The following GNB1 variants were observed in gnomAD, a reference collection of about 807,000 sequenced individuals.
The protein encoded by GNB1 is guanine nucleotide-binding protein G(I)/G(S)/G(T) subunit beta-1.
Under a neutral mutation model 42.9 loss-of-function variants are expected in GNB1, and 2 were observed. The observed-to-expected ratio is 0.05, with a 90% confidence interval of 0.02 to 0.15. The LOEUF is 0.15. GNB1 is among the 10% of genes least tolerant of loss of function. The pLI is 1.00. For synonymous variants in GNB1, 183 were observed against 174.7 expected, an observed-to-expected ratio of 1.05 and a Z score of -0.38; for missense variants, 193 against 462.2, an observed-to-expected ratio of 0.42 and a Z score of 5.34.
intron 1 of GNB1, among the ~76,000 whole-genome samples, chr1:1,877,818 T>A (rs527726189): frequency 6.6e-6 from 1 of 152,164 alleles, no homozygotes; most frequent in African/African-American, 2.4e-5. Context: ...GTGGCTAGAA[T>A]AGATAGCAAG....
intron 2 of GNB1, among the ~76,000 whole-genome samples, chr1:1,833,615 A>C (rs546261949): frequency 1.3e-5 from 2 of 152,246 alleles, no homozygotes; most frequent in East Asian, 3.9e-4. Context: ...GACAGAAGAC[A>C]AACAGGTAAA....
In GNB1 at chr1:1,864,334, A is replaced by G. The variant is rs1221094193; in HGVS notation, c.-95-25096T>C. Among the ~76,000 whole-genome samples, 37 of 130,568 alleles carry G rather than the reference A, an allele frequency of 2.8e-4. No individual in the cohort carries two copies. The East Asian group carries it at 4.3e-3, about 15-fold the overall frequency. 85.7% of individuals were successfully genotyped at this position (130,568 alleles called of 152,430 possible). On this transcript the variant is annotated intron_variant, in intron 1 of 11. Transcript: ENST00000378609. Reference sequence around the variant, plus strand: ...TCTCTCAAAAAAAAAAAAAAAAAAAAAAGAAGAAAACCCCACGAAAAAACT... The same window carrying G: ...TCTCTCAAAAAAAAAAAAAAAAAAAGAAGAAGAAAACCCCACGAAAAAACT...
At chr1:1,789,449 T>G (rs935718293) in intron 9 of GNB1, among the ~76,000 whole-genome samples, 180 bp from the exon 10 acceptor site, 1 of 151,864 alleles carries the variant, frequency 6.6e-6, no homozygotes, top group African/African-American at 2.4e-5. Flanking sequence ...TCCCAGCACT[T>G]TGGGAGGCTG....
intron 2 of GNB1, among the ~76,000 whole-genome samples, chr1:1,830,148 A>C (rs1310992234): frequency 6.6e-6 from 1 of 152,192 alleles, no homozygotes; most frequent in East Asian, 1.9e-4. Flanking sequence ...TAGTTTGCTT[A>C]CTAACCCCCC....
At chr1:1,866,359 C>G (rs144761801) in intron 1 of GNB1, among the ~76,000 whole-genome samples, 1 of 152,232 alleles carries the variant, frequency 6.6e-6, no homozygotes, top group Non-Finnish European at 1.5e-5. Flanking sequence ...ACAAGTCAAT[C>G]AAATGATACC....
chr1:1,808,318 A>G (rs529722931), intron 5 of GNB1, among the ~76,000 whole-genome samples: 3 of 152,160 alleles, frequency 2.0e-5, no homozygotes, highest in South Asian at 4.2e-4. Flanking sequence ...GAATTTTTTC[A>G]TAACTATTTC....
At chr1:1,803,856 C>A (rs1646658526) in intron 7 of GNB1, among the ~76,000 whole-genome samples, 1 of 151,822 alleles carries the variant, frequency 6.6e-6, no homozygotes, top group Non-Finnish European at 1.5e-5. Context: ...GTGGCGGACA[C>A]CTGTGGTCCC....
At position 1,815,518 on chromosome 1, in the gene GNB1, T is replaced by TA. The variant is rs527909781; in HGVS notation, c.203+237_203+238insT. ...GAAGGGAGAAAGAAAAATCAGAACT[T>TA]GTATTAATGTGATTCAGACAGTGAA... On this transcript the variant is annotated intron_variant, in intron 5 of 11. Transcript: ENST00000378609. 1.7e-4 allele frequency among the ~76,000 whole-genome samples: 26 copies of TA among 152,288 alleles called. No homozygotes were observed. The South Asian group carries it at 5.4e-3, about 32-fold the overall frequency.
chr1:1,887,005 G>A (rs912090952), intron 1 of GNB1, among the ~76,000 whole-genome samples: 12 of 152,128 alleles, frequency 7.9e-5, no homozygotes, highest in African/African-American at 2.7e-4. Flanking sequence ...GAGCCACCAC[G>A]CCCGGTCAAA....
chr1:1,816,201 T>C (rs147463827), intron 4 of GNB1, among the ~76,000 whole-genome samples: 1 of 152,202 alleles, frequency 6.6e-6, no homozygotes, highest in Admixed American at 6.5e-5. Flanking sequence ...CTGAGTTCTT[T>C]GAGATCTCGC....
chr1:1,819,133 A>T (rs1190310320), intron 3 of GNB1, among the ~76,000 whole-genome samples: 2 of 152,230 alleles, frequency 1.3e-5, no homozygotes, highest in Non-Finnish European at 2.9e-5. Context: ...TACGTTTAGA[A>T]ATAGAAAGGT....
chr1:1,886,194 T>C (rs1027984840), intron 1 of GNB1, among the ~76,000 whole-genome samples: 7 of 152,044 alleles, frequency 4.6e-5, no homozygotes, highest in African/African-American at 1.7e-4. Context: ...GGCGGGTGCC[T>C]GTAATCCCAG....
intron 8 of GNB1, among the ~76,000 whole-genome samples, chr1:1,791,225 G>A (rs921936431): frequency 6.7e-6 from 1 of 149,196 alleles, no homozygotes; most frequent in African/African-American, 2.5e-5. Context: ...AGGCTGGAGT[G>A]CAATGGCGCG....
At chr1:1,858,277 GT>G (rs1648414888) in intron 1 of GNB1, among the ~76,000 whole-genome samples, 1 of 152,144 alleles carries the variant, frequency 6.6e-6, no homozygotes. Context: ...CAAGTCATTT[GT>G]TTTCAGTTCA....
rs777707833 is a variant in GNB1, at chr1:1,787,424, C to T, written c.930G>A (p.Gly310=). ...LKADRAGVLA[G]HDNRVSCLGV... ...CCAGGCAGCTGACGCGGTTGTCATG[C>T]CCAGCCAAGACACCTGGGAGCAAAC... Residue 310 remains glycine, a synonymous_variant, in exon 11 of 12, where the codon GGG becomes GGA. Transcript: ENST00000378609. The surrounding 1 kb of genome is among the most constrained non-coding windows in gnomAD (Gnocchi z 4.4). 2 of 1,610,114 alleles carry T rather than the reference C, an allele frequency of 1.2e-6. No individual in the cohort carries two copies. The highest frequency in any genetic ancestry group is 1.7e-5 in the Admixed American group (1 of 59,954).
At chr1:1,848,231 T>C (rs918585195) in intron 1 of GNB1, among the ~76,000 whole-genome samples, 1 of 150,798 alleles carries the variant, frequency 6.6e-6, no homozygotes, top group African/African-American at 2.5e-5. Flanking sequence ...TAAAAAAAAT[T>C]AGCCGGGCAT....
At chr1:1,883,986 A>G (rs1322179240) in intron 1 of GNB1, among the ~76,000 whole-genome samples, 2 of 129,600 alleles carry the variant, frequency 1.5e-5, no homozygotes, top group Admixed American at 7.9e-5. Flanking sequence ...TTTTTTTTTG[A>G]CCGAGTTTCA....
intron 1 of GNB1, among the ~76,000 whole-genome samples, chr1:1,876,516 C>T (rs199498269): frequency 9.6e-6 from 1 of 103,888 alleles, no homozygotes; most frequent in Non-Finnish European, 2.2e-5. Context: ...AGAGAGAGAG[C>T]GAGCGTGCAT....
chr1:1,820,009 C>T (rs564947179), intron 3 of GNB1, among the ~76,000 whole-genome samples: 26 of 152,322 alleles, frequency 1.7e-4, no homozygotes, highest in African/African-American at 5.8e-4. Context: ...AAACTGCTCA[C>T]TGCAAATGAT....
Sources: gnomAD v4.1 joint callset for allele counts (sites outside exome capture counted in the v4.1 genomes callset) on GRCh38, gnomAD v4.1.1 for gene constraint, Gnocchi (gnomAD v3.1) non-coding constraint, MANE v1.5 for transcripts, NCBI Gene and HGNC (gene_info 2026-07-23, HGNC 2026-07-21) for gene names.